PRKAG2: variants seen among roughly 807,000 people sequenced by gnomAD.
The protein encoded by PRKAG2 is protein kinase AMP-activated non-catalytic subunit gamma 2.
PRKAG2 carries 26 observed loss-of-function variants against 69.6 expected under a neutral mutation model. That is an observed-to-expected ratio of 0.37 (90% CI 0.27 to 0.52). The LOEUF (loss-of-function observed/expected upper bound fraction) is 0.52. PRKAG2 is among the 20% of genes least tolerant of loss of function. The pLI, the probability that PRKAG2 is intolerant of heterozygous loss-of-function variation, is 0.90. For synonymous variants in PRKAG2, 293 were observed against 285.0 expected, an observed-to-expected ratio of 1.03 and a Z score of -0.28; for missense variants, 557 against 740.0, an observed-to-expected ratio of 0.75 and a Z score of 2.87.
chr7:151,574,659 T>C (rs1808456284), intron 8 of PRKAG2, among the ~76,000 whole-genome samples: 2 of 152,244 alleles, frequency 1.3e-5, no homozygotes, highest in African/African-American at 2.4e-5. Context: ...TATTTCCTTT[T>C]ATTTTTCCTG....
At chr7:151,596,292 T>TA (rs1814508514) in intron 5 of PRKAG2, among the ~76,000 whole-genome samples, 1 of 152,002 alleles carries the variant, frequency 6.6e-6, no homozygotes, top group Admixed American at 6.5e-5. Context: ...AAACTCAACA[T>TA]AAAAAATCAG....
intron 3 of PRKAG2, among the ~76,000 whole-genome samples, chr7:151,702,459 A>T (rs1322338133): frequency 6.6e-6 from 1 of 152,088 alleles, no homozygotes; most frequent in African/African-American, 2.4e-5. Flanking sequence ...TGAGAGTCCC[A>T]CCCACAGAGG....
intron 4 of PRKAG2, among the ~76,000 whole-genome samples, chr7:151,651,142 C>G (rs1449148123): frequency 6.6e-6 from 1 of 152,166 alleles, no homozygotes; most frequent in Non-Finnish European, 1.5e-5. Context: ...TTTCCCCATA[C>G]TTAGAGATTT....
At chr7:151,845,442 C>T (rs970786709) in intron 1 of PRKAG2, among the ~76,000 whole-genome samples, 6 of 135,554 alleles carry the variant, frequency 4.4e-5, no homozygotes, top group African/African-American at 1.7e-4. Context: ...CCGCCTCAGA[C>T]CTACTGAACG....
chr7:151,565,598 G>A, intron 12 of PRKAG2, 122 bp downstream of exon 12: 1 of 1,388,084 alleles, frequency 7.2e-7, no homozygotes. Context: ...CCTTGGTGCT[G>A]AATTTATTCA....
intron 3 of PRKAG2, among the ~76,000 whole-genome samples, chr7:151,676,240 AGGAGGGGGAGGG>A (rs1179039602): frequency 6.3e-5 from 1 of 15,866 alleles, no homozygotes; most frequent in Admixed American, 8.5e-4. Context: ...CATGTATCTG[AGGAGGGGGAGGG>A]GGAGGGGACG....
chr7:151,757,025 C>G (rs973265261), intron 3 of PRKAG2, among the ~76,000 whole-genome samples: 1 of 152,098 alleles, frequency 6.6e-6, no homozygotes, highest in Non-Finnish European at 1.5e-5. Flanking sequence ...GTCTGACCCC[C>G]CGGTTTTTGG....
chr7:151,625,399 G>T (rs1322854554), intron 5 of PRKAG2, among the ~76,000 whole-genome samples: 1 of 152,164 alleles, frequency 6.6e-6, no homozygotes, highest in Non-Finnish European at 1.5e-5. Flanking sequence ...CACCAGGTGA[G>T]GCTGGGGAGG....
Position 151,715,348 on chromosome 7 carries a change from A to AAAAAAT in PRKAG2, c.467-39712_467-39711insATTTTT, listed in dbSNP as rs1796011995. 3.1e-5 allele frequency among the ~76,000 whole-genome samples: 4 copies of AAAAAAT among 128,524 alleles called. No individual in the cohort carries two copies. The Admixed American group carries it at 3.2e-4, about 10-fold the overall frequency. 84.3% of individuals were successfully genotyped at this position (128,524 alleles called of 152,430 possible). ...AAAAAAAAAAAAAAAAAAAAAAAAA[A>AAAAAAT]TTATTATTATTTTTTTTGAGACAGA... On this transcript the variant is annotated intron_variant, in intron 3 of 15. Transcript: ENST00000287878.
At chr7:151,627,989 C>T (rs1265729624) in intron 5 of PRKAG2, among the ~76,000 whole-genome samples, 1 of 152,130 alleles carries the variant, frequency 6.6e-6, no homozygotes, top group Non-Finnish European at 1.5e-5. Flanking sequence ...AAAATCTTTG[C>T]AAGTGAAGAA....
intron 3 of PRKAG2, among the ~76,000 whole-genome samples, chr7:151,725,148 A>G (rs1797727827): frequency 6.6e-6 from 1 of 152,166 alleles, no homozygotes; most frequent in African/African-American, 2.4e-5. Flanking sequence ...CCACGTGTCC[A>G]TCGACGCATG....
intron 1 of PRKAG2, among the ~76,000 whole-genome samples, chr7:151,805,192 C>T (rs895554029): frequency 6.6e-6 from 1 of 152,224 alleles, no homozygotes; most frequent in Non-Finnish European, 1.5e-5. Context: ...CGCAGTTCCT[C>T]CTGGATCTCT....
chr7:151,606,106 G>A (rs1817508322), intron 5 of PRKAG2, among the ~76,000 whole-genome samples: 1 of 152,122 alleles, frequency 6.6e-6, no homozygotes, highest in African/African-American at 2.4e-5. Flanking sequence ...TGTTGCCCAA[G>A]CTGGTCTCAA....
intron 5 of PRKAG2, among the ~76,000 whole-genome samples, chr7:151,601,767 C>T (rs1816128282): frequency 6.6e-6 from 1 of 152,314 alleles, no homozygotes; most frequent in South Asian, 2.1e-4. Context: ...GGTGAGGCAC[C>T]CGCAGCATCC....
intron 1 of PRKAG2, among the ~76,000 whole-genome samples, chr7:151,866,632 T>TG (rs1462463111): frequency 1.3e-5 from 2 of 152,196 alleles, no homozygotes; most frequent in African/African-American, 4.8e-5. Context: ...GAAGGCTCTC[T>TG]GGGGTGCTTA....
rs949534623 is a variant in PRKAG2, at chr7:151,568,604, C to A, written c.1233+112G>T. 4.3e-6 allele frequency: 5 copies of A among 1,165,048 alleles called. No individual in the cohort carries two copies. In the African/African-American group the frequency reaches 7.7e-5, roughly 18 times the overall value. The allele number at this position is 1,165,048 out of a possible 1,614,324, so 72.2% of individuals were successfully genotyped here. A position where few individuals can be genotyped will look rare whatever the true frequency, so the allele number is the denominator to read the frequency against. ...AGAAACTGAAGTTTAGAAAGGGAGA[C>A]CTCAAAACTAACAATTTCTTCTACT... On this transcript the variant is annotated intron_variant, in intron 11 of 15. Transcript: ENST00000287878.
At chr7:151,825,010 G>A (rs1005024077) in intron 1 of PRKAG2, among the ~76,000 whole-genome samples, 7 of 151,992 alleles carry the variant, frequency 4.6e-5, no homozygotes, top group African/African-American at 7.3e-5. Flanking sequence ...TCAGGAGTTC[G>A]AGACCAGCCT....
intron 1 of PRKAG2, among the ~76,000 whole-genome samples, chr7:151,839,175 A>C (rs779824887): frequency 6.6e-6 from 1 of 152,176 alleles, no homozygotes; most frequent in Non-Finnish European, 1.5e-5. Flanking sequence ...GGCTCGCTGC[A>C]CCAGAAGCTT....
intron 3 of PRKAG2, among the ~76,000 whole-genome samples, chr7:151,736,989 C>T (rs918481617): frequency 6.6e-6 from 1 of 152,144 alleles, no homozygotes; most frequent in Non-Finnish European, 1.5e-5. Flanking sequence ...AACCGCTGAT[C>T]AAGTAAAACC....
Sources: allele counts gnomAD v4.1 joint callset (sites outside exome capture counted in the v4.1 genomes callset), GRCh38; gene constraint gnomAD v4.1.1; transcripts MANE v1.5; gene names NCBI Gene and HGNC (gene_info 2026-07-23, HGNC 2026-07-21).